Variants in KITLG observed in about 807,000 individuals in gnomAD.
The protein encoded by KITLG is c-Kit ligand.
Under a neutral mutation model 34.1 loss-of-function variants are expected in KITLG, and 13 were observed. That is an observed-to-expected ratio of 0.38 (90% CI 0.25 to 0.61). The LOEUF is 0.61. Among genes scored for constraint, KITLG ranks in the 20% least tolerant of loss-of-function variants. KITLG has a pLI of 0.60. For synonymous variants in KITLG, 110 were observed against 104.0 expected (o/e 1.06, Z -0.35); for missense variants, 292 against 318.9 (o/e 0.92, Z 0.64).
At position 88,494,359 on chromosome 12, in the gene KITLG, G is replaced by C. The variant is rs957457960; in HGVS notation, c.*2860C>G. On this transcript the variant is annotated 3_prime_UTR_variant, in exon 10 of 10. Coordinates refer to ENST00000644744, the MANE Select transcript of KITLG (RefSeq NM_000899.5). ...GTTTTTCTCTTTATTTATAACTTTA[G>C]TTGAATTAGAGTAGGAAAACGTGCC... 1.3e-5 allele frequency: 2 copies of C among 151,978 alleles called. No individual in the cohort carries two copies. The highest frequency in any genetic ancestry group is 1.5e-5 in the Non-Finnish European group (1 of 67,832). The allele number at this position is 151,978 out of a possible 1,614,324, so 9.4% of individuals were successfully genotyped here. A position where few individuals can be genotyped will look rare whatever the true frequency, so the allele number is the denominator to read the frequency against.
intron 3 of KITLG, among the ~76,000 whole-genome samples, chr12:88,528,865 TAAAAAAC>T (rs988294343): frequency 6.6e-6 from 1 of 152,098 alleles, no homozygotes; most frequent in African/African-American, 2.4e-5. Flanking sequence ...TATTTGCAAA[TAAAAAAC>T]TAAAAGAAAA....
intron 2 of KITLG, among the ~76,000 whole-genome samples, chr12:88,541,428 A>G (rs1870513984): frequency 6.6e-6 from 1 of 152,204 alleles, no homozygotes; most frequent in South Asian, 2.1e-4. Context: ...CAACAAAATC[A>G]TATTGAGTTA....
intron 4 of KITLG, 58 bp from the exon 5 acceptor site, chr12:88,516,548 A>G (rs1433301397): frequency 2.4e-5 from 27 of 1,127,486 alleles, no homozygotes; most frequent in Admixed American, 6.3e-5. Flanking sequence ...ACTGAGGTGA[A>G]GATAATGGAC....
chr12:88,530,521 A>T (rs1453596270), intron 3 of KITLG, among the ~76,000 whole-genome samples: 1 of 152,098 alleles, frequency 6.6e-6, no homozygotes, highest in Non-Finnish European at 1.5e-5. Flanking sequence ...CCAATTACTA[A>T]ACTTTTTGAA....
intron 9 of KITLG, among the ~76,000 whole-genome samples, chr12:88,500,245 ATTG>A (rs1229910712): frequency 3.9e-5 from 6 of 152,130 alleles, no homozygotes; most frequent in Admixed American, 3.9e-4. Context: ...CTTTTCTCCT[ATTG>A]TTAGTGATTT....
intron 6 of KITLG, among the ~76,000 whole-genome samples, chr12:88,513,915 G>A (rs555024574): frequency 1.3e-5 from 2 of 151,434 alleles, no homozygotes; most frequent in East Asian, 3.9e-4. Flanking sequence ...AACCATTTTG[G>A]CCAAATTTGA....
At chr12:88,514,041 A>G (rs1869371892) in intron 6 of KITLG, among the ~76,000 whole-genome samples, 1 of 151,686 alleles carries the variant, frequency 6.6e-6, no homozygotes, top group African/African-American at 2.4e-5. Context: ...TAAGATATAT[A>G]GGAAAATCTC....
At chr12:88,567,334 C>A (rs1429721617) in intron 1 of KITLG, among the ~76,000 whole-genome samples, 2 of 152,148 alleles carry the variant, frequency 1.3e-5, no homozygotes, top group African/African-American at 4.8e-5. Context: ...CCTTTGGAAA[C>A]AAACTTTGTA....
intron 2 of KITLG, among the ~76,000 whole-genome samples, chr12:88,545,238 T>G (rs1178549969): frequency 1.3e-5 from 2 of 152,158 alleles, no homozygotes; most frequent in African/African-American, 4.8e-5. Flanking sequence ...CCCTTCAACA[T>G]GTGGGCAATG....
At chr12:88,543,254 C>T (rs1870585667) in intron 2 of KITLG, among the ~76,000 whole-genome samples, 1 of 152,138 alleles carries the variant, frequency 6.6e-6, no homozygotes, top group African/African-American at 2.4e-5. Flanking sequence ...AACGCTATCC[C>T]TCTTCCAGGC....
At chr12:88,556,030 A>G (rs1014270829) in intron 1 of KITLG, among the ~76,000 whole-genome samples, 10 of 151,978 alleles carry the variant, frequency 6.6e-5, no homozygotes, top group African/African-American at 2.4e-4. Flanking sequence ...CATTTGAGGG[A>G]GGGGCTGATA....
At chr12:88,546,119 C>T in intron 1 of KITLG, 1 of 553,564 alleles carries the variant, frequency 1.8e-6, no homozygotes, top group Non-Finnish European at 3.4e-6. Flanking sequence ...AGCCAATTTC[C>T]CAATGGCAAT....
intron 2 of KITLG, among the ~76,000 whole-genome samples, chr12:88,545,418 G>C (rs1219340861): frequency 2.0e-5 from 3 of 152,188 alleles, no homozygotes; most frequent in African/African-American, 7.2e-5. Context: ...AAACCCACTG[G>C]AGAGATTATG....
At chr12:88,556,337 A>G (rs951513495) in intron 1 of KITLG, among the ~76,000 whole-genome samples, 5 of 152,120 alleles carry the variant, frequency 3.3e-5, no homozygotes, top group African/African-American at 1.2e-4. Context: ...AGGGAGTGTC[A>G]AGATCTGATT....
chr12:88,515,675 T>A, intron 5 of KITLG, 58 bp from the exon 6 acceptor site: 1 of 1,298,686 alleles, frequency 7.7e-7, no homozygotes, highest in East Asian at 2.3e-5. Context: ...AGTTATAGAG[T>A]CCCTGAAAGG....
intron 4 of KITLG, 41 bp downstream of exon 4, chr12:88,518,656 A>C (rs1481274750): frequency 6.6e-7 from 1 of 1,519,526 alleles, no homozygotes; most frequent in Non-Finnish European, 9.1e-7. Flanking sequence ...GGGTTTTTAG[A>C]GAAGCGTAAT....
intron 2 of KITLG, among the ~76,000 whole-genome samples, chr12:88,542,340 G>GC (rs1309648417): frequency 6.6e-6 from 1 of 152,056 alleles, no homozygotes; most frequent in Non-Finnish European, 1.5e-5. Context: ...GTCAGCCCTA[G>GC]ATTAATAACT....
intron 1 of KITLG, among the ~76,000 whole-genome samples, chr12:88,559,415 T>C (rs1871222618): frequency 1.3e-5 from 2 of 152,310 alleles, no homozygotes; most frequent in South Asian, 4.1e-4. Context: ...CCGCAACATA[T>C]TTACAGACTG....
intron 2 of KITLG, among the ~76,000 whole-genome samples, chr12:88,538,392 A>G (rs1190616385): frequency 6.6e-6 from 1 of 151,666 alleles, no homozygotes; most frequent in East Asian, 1.9e-4. Flanking sequence ...TCTCTGTGGA[A>G]GTTCTACTCC....
Sources: gnomAD v4.1 joint callset for allele counts (sites outside exome capture counted in the v4.1 genomes callset) on GRCh38, gnomAD v4.1.1 for gene constraint, MANE v1.5 for transcripts, NCBI Gene and HGNC (gene_info 2026-07-23, HGNC 2026-07-21) for gene names.